Variants in PCDH10 observed in about 807,000 individuals in gnomAD.
PCDH10 encodes protocadherin 10.
A neutral mutation model predicts 74.4 loss-of-function variants in PCDH10; 15 were observed. That is an observed-to-expected ratio of 0.20 (90% CI 0.13 to 0.31). The LOEUF (loss-of-function observed/expected upper bound fraction) is 0.31. PCDH10 is among the 10% of genes least tolerant of loss of function. The probability of loss-of-function intolerance (pLI) is 1.00; values close to 1 mark genes in which losing one functional copy is unlikely to be tolerated. For missense variants in PCDH10, 1,260 were observed against 1,390.2 expected (o/e 0.91, Z 1.49); for synonymous variants, 619 against 589.8 (o/e 1.05, Z -0.72).
At chr4:133,159,663 A>G (rs1726926511) in intron 3 of PCDH10, among the ~76,000 whole-genome samples, 1 of 151,964 alleles carries the variant, frequency 6.6e-6, no homozygotes, top group Non-Finnish European at 1.5e-5. Flanking sequence ...TTGTATCCCT[A>G]AAGTCTATTT....
chr4:133,161,353 T>A (rs1436864793), intron 3 of PCDH10, among the ~76,000 whole-genome samples: 2 of 152,132 alleles, frequency 1.3e-5, no homozygotes, highest in Non-Finnish European at 2.9e-5. Context: ...TTTATGTAAT[T>A]TGCTATTCTT....
At chr4:133,155,682 C>A (rs561237858) in intron 3 of PCDH10, among the ~76,000 whole-genome samples, 3 of 152,230 alleles carry the variant, frequency 2.0e-5, no homozygotes, top group African/African-American at 7.2e-5. Flanking sequence ...AAGGTGAACT[C>A]TGAGTATATT....
intron 4 of PCDH10, among the ~76,000 whole-genome samples, chr4:133,184,627 A>G (rs1331633851): frequency 6.8e-6 from 1 of 147,658 alleles, no homozygotes; most frequent in African/African-American, 2.5e-5. Flanking sequence ...AAATAAATAA[A>G]CCGGTTTTAT....
intron 2 of PCDH10, among the ~76,000 whole-genome samples, chr4:133,207,471 AC>A (rs1439644621): frequency 2.6e-5 from 4 of 152,174 alleles, no homozygotes; most frequent in African/African-American, 9.7e-5. Context: ...GCACATACAG[AC>A]ACATTTTACT....
At chr4:133,169,598 T>C (rs534598168) in intron 4 of PCDH10, among the ~76,000 whole-genome samples, 6 of 151,930 alleles carry the variant, frequency 3.9e-5, no homozygotes, top group African/African-American at 1.4e-4. Context: ...GTCCATCATA[T>C]GAGCTTAACA....
chr4:133,190,434 T>C lies in PCDH10; in HGVS notation c.*274T>C. ...GCCTGTTTACAGCACTATCTATCTT[T>C]CTCTCTCCAAATGTCACTGAGCCCT... On this transcript the variant is annotated 3_prime_UTR_variant, in exon 5 of 5. Transcript: ENST00000264360. 1 of 443,732 alleles carries C rather than the reference T, an allele frequency of 2.3e-6. No homozygotes were observed. 27.5% of individuals were successfully genotyped at this position (443,732 alleles called of 1,614,324 possible).
chr4:133,205,696 A>C (rs961325395), intron 2 of PCDH10, among the ~76,000 whole-genome samples: 1 of 151,752 alleles, frequency 6.6e-6, no homozygotes, highest in Non-Finnish European at 1.5e-5. Context: ...TTTCTTCTCT[A>C]TATTTTAAAA....
intron 3 of PCDH10, among the ~76,000 whole-genome samples, chr4:133,156,815 A>T (rs1225063822): frequency 1.3e-5 from 2 of 152,208 alleles, no homozygotes; most frequent in Admixed American, 6.5e-5. Context: ...AAGAAAGAGA[A>T]ATGAATAAAC....
chr4:133,178,212 G>A (rs533149182), intron 4 of PCDH10, among the ~76,000 whole-genome samples: 12 of 151,864 alleles, frequency 7.9e-5, no homozygotes, highest in Non-Finnish European at 1.6e-4. Flanking sequence ...AAAAGCCAGT[G>A]TGTGTTTTTT....
At chr4:133,188,704 G>T (rs1351355444) in intron 4 of PCDH10, among the ~76,000 whole-genome samples, 1 of 110,468 alleles carries the variant, frequency 9.1e-6, no homozygotes, top group African/African-American at 3.8e-5. Context: ...ATGGAGTTTC[G>T]CTCTTGTCTC....
At chr4:133,167,019 C>T (rs983106334) in intron 4 of PCDH10, among the ~76,000 whole-genome samples, 2 of 151,384 alleles carry the variant, frequency 1.3e-5, no homozygotes, top group Non-Finnish European at 3.0e-5. Context: ...TATTATACAA[C>T]ATTTAGACTA....
chr4:133,152,181 G>A lies in PCDH10; in HGVS notation c.2041G>A (p.Gly681Ser), dbSNP rs1251519345. 1.9e-6 allele frequency: 3 copies of A among 1,571,622 alleles called. No individual in the cohort carries two copies. Among genetic ancestry groups the A allele is most frequent in the South Asian group, 2.4e-5 (2 of 83,642 alleles). Residue 681 changes from glycine to serine, a missense_variant, in exon 1 of 5, where the codon GGC (glycine) becomes AGC (serine). This residue lies in a region of PCDH10 where 587 missense variants were observed against 616.9 expected (regional missense o/e 0.95). Coordinates refer to ENST00000264360, the MANE Select transcript of PCDH10 (RefSeq NM_032961.3). ...CACCCTGGTGGTTCAGCTGGTGGAT[G>A]GCGCCGTGGAGCCCCAGGGCGGGGG... ...TATLVVQLVD[G>S]AVEPQGGGGS... is the part of the protein sequence containing the mutation.
Position 133,150,256 on chromosome 4 carries a change from A to T in PCDH10, c.116A>T (p.Glu39Val), listed in dbSNP as rs775811196. 4 of 1,614,008 alleles carry T rather than the reference A, an allele frequency of 2.5e-6. No individual in the cohort carries two copies. Among genetic ancestry groups the T allele is most frequent in the African/African-American group, 2.7e-5 (2 of 75,010 alleles). The change falls in exon 1 of 5, where the codon GAA becomes GTA. Residue 39 changes from glutamate to valine, a missense_variant. Physicochemically the swap from Glu to Val is moderately radical, Grantham distance 121. Around this residue, in one of 11 missense-constraint regions of PCDH10, gnomAD observed 103 missense variants for 91.5 expected, o/e 1.13. Coordinates refer to ENST00000264360, the MANE Select transcript of PCDH10 (RefSeq NM_032961.3). ...GGCACTTTCGTGGGGAATATCGCTG[A>T]AGATCTGGGTCTGGACATTACAAAA... is the stretch of plus-strand genomic sequence containing the variant. ...EHGTFVGNIA[E>V]DLGLDITKLS...
intron 4 of PCDH10, among the ~76,000 whole-genome samples, chr4:133,170,377 G>C (rs1164745792): frequency 6.6e-6 from 1 of 151,970 alleles, no homozygotes; most frequent in Admixed American, 6.6e-5. Context: ...ACACAATACA[G>C]TGTTAGTTTA....
rs1389899402 is a variant in PCDH10, at chr4:133,150,723, G to A, written c.583G>A (p.Ala195Thr). ...LEKPLDREQQ[A>T]VHRYVLTAVD... ...GAAGCCACTGGACCGAGAGCAGCAA[G>A]CGGTGCACCGCTACGTGCTGACCGC... Residue 195 changes from alanine to threonine, a missense_variant, in exon 1 of 5, where the codon GCG (alanine) becomes ACG (threonine). This residue lies in a region of PCDH10 where 14 missense variants were observed against 36.5 expected (regional missense o/e 0.38). Transcript: ENST00000264360. The A allele has an allele frequency of 1.9e-6, 3 of 1,612,568 alleles. No individual in the cohort carries two copies. The highest frequency in any genetic ancestry group is 8.5e-7 in the Non-Finnish European group (1 of 1,179,616).
intron 4 of PCDH10, among the ~76,000 whole-genome samples, chr4:133,167,926 G>GA (rs1242991648): frequency 2.7e-5 from 4 of 150,616 alleles, no homozygotes; most frequent in African/African-American, 9.7e-5. Flanking sequence ...CTTGACATCA[G>GA]AAAAAAAATT....
At chr4:133,186,020 A>AT (rs536395496) in intron 4 of PCDH10, among the ~76,000 whole-genome samples, 59 of 152,236 alleles carry the variant, frequency 3.9e-4, no homozygotes, top group African/African-American at 1.4e-3. Flanking sequence ...GTCTTAAGTC[A>AT]TTAGTCAATT....
At chr4:133,178,463 C>G (rs751691937) in intron 4 of PCDH10, among the ~76,000 whole-genome samples, 1 of 151,620 alleles carries the variant, frequency 6.6e-6, no homozygotes, top group Non-Finnish European at 1.5e-5. Context: ...CTCGAACTCT[C>G]GACCTCAGGT....
At chr4:133,188,777 A>G (rs1241608441) in intron 4 of PCDH10, among the ~76,000 whole-genome samples, 1 of 147,252 alleles carries the variant, frequency 6.8e-6, no homozygotes, top group Non-Finnish European at 1.5e-5. Flanking sequence ...GGGTTCAAGC[A>G]ATTCTTCTGC....
Sources: allele counts gnomAD v4.1 joint callset (sites outside exome capture counted in the v4.1 genomes callset), GRCh38; gene constraint gnomAD v4.1.1; regional missense constraint gnomAD v4.1.1; transcripts MANE v1.5; gene names NCBI Gene and HGNC (gene_info 2026-07-23, HGNC 2026-07-21).